FARP1: variants seen among roughly 807,000 people sequenced by gnomAD.
FARP1 encodes the protein FERM, ARH/RhoGEF and pleckstrin domain protein 1.
Under a neutral mutation model 128.8 loss-of-function variants are expected in FARP1, and 52 were observed. That is an observed-to-expected ratio of 0.40 (90% CI 0.32 to 0.51). The LOEUF (loss-of-function observed/expected upper bound fraction) is 0.51, where lower values mean the gene tolerates loss of function less well. Among genes scored for constraint, FARP1 ranks in the 20% least tolerant of loss-of-function variants. FARP1 has a pLI of 0.45. For missense variants in FARP1, 1,333 were observed against 1,367.9 expected, an observed-to-expected ratio of 0.97 and a Z score of 0.40; for synonymous variants, 580 against 551.8, an observed-to-expected ratio of 1.05 and a Z score of -0.72.
At position 98,254,067 on chromosome 13, in the gene FARP1, A is replaced by G. The variant is rs573814981; in HGVS notation, c.171+40654A>G. Among the ~76,000 whole-genome samples, 8 of 152,280 alleles carry G rather than the reference A, an allele frequency of 5.3e-5. No individual in the cohort carries two copies. In the East Asian group the frequency reaches 1.5e-3, roughly 29 times the overall value. ...CATTTCAGGGTTCTGAGACCACCCC[A>G]ACTCATTTGCCCATCATTATGGGAC... On this transcript the variant is annotated intron_variant, in intron 2 of 26. Coordinates refer to ENST00000319562, the MANE Select transcript of FARP1 (RefSeq NM_005766.4).
chr13:98,194,255 T>A (rs943440951), intron 1 of FARP1, among the ~76,000 whole-genome samples: 2 of 152,130 alleles, frequency 1.3e-5, no homozygotes, highest in Admixed American at 6.6e-5. Flanking sequence ...TAGCTGGGAT[T>A]ACAGGCGCCT....
At chr13:98,283,560 T>A (rs1366213029) in intron 2 of FARP1, among the ~76,000 whole-genome samples, 2 of 152,216 alleles carry the variant, frequency 1.3e-5, no homozygotes, top group East Asian at 3.9e-4. Context: ...TTTCTGTTTT[T>A]TTCATCTGAG....
At chr13:98,396,067 A>T in intron 13 of FARP1, 1 of 399,136 alleles carries the variant, frequency 2.5e-6, no homozygotes, top group Non-Finnish European at 4.4e-6. Flanking sequence ...TAGATGTAAT[A>T]AGTCAGAGAC....
At chr13:98,307,315 C>T (rs1312901558) in intron 2 of FARP1, among the ~76,000 whole-genome samples, 2 of 152,158 alleles carry the variant, frequency 1.3e-5, no homozygotes, top group Non-Finnish European at 2.9e-5. Flanking sequence ...AGGTTGAATT[C>T]TAATACCTCA....
intron 2 of FARP1, among the ~76,000 whole-genome samples, chr13:98,264,877 C>T (rs1399100440): frequency 2.0e-5 from 3 of 152,140 alleles, no homozygotes; most frequent in African/African-American, 4.8e-5. Flanking sequence ...CGAATTCTTA[C>T]TATTCATTCT....
intron 2 of FARP1, among the ~76,000 whole-genome samples, chr13:98,340,080 G>GTTT (rs35285197): frequency 5.9e-4 from 86 of 146,866 alleles, no homozygotes; most frequent in African/African-American, 2.1e-3. Context: ...CTGTATATTA[G>GTTT]TTTTTTTTTT....
At chr13:98,266,976 T>C (rs1298757929) in intron 2 of FARP1, among the ~76,000 whole-genome samples, 1 of 136,770 alleles carries the variant, frequency 7.3e-6, no homozygotes, top group Non-Finnish European at 1.5e-5. Flanking sequence ...GTCACACCAC[T>C]GTACTCCAGC....
At chr13:98,191,307 A>ATGTTGAACTGGGCTTCAGAATATAC (rs1211986837) in intron 1 of FARP1, among the ~76,000 whole-genome samples, 1 of 152,186 alleles carries the variant, frequency 6.6e-6, no homozygotes, top group African/African-American at 2.4e-5. Context: ...AGCACTGGGG[A>ATGTTGAACTGGGCTTCAGAATATAC]TGTTGAACTG....
chr13:98,208,829 A>G (rs530809311), intron 1 of FARP1, among the ~76,000 whole-genome samples: 5 of 152,148 alleles, frequency 3.3e-5, no homozygotes, highest in East Asian at 1.9e-4. Flanking sequence ...CCTTGTGTCT[A>G]TGGTGACAGC....
intron 13 of FARP1, chr13:98,395,752 G>T: frequency 2.4e-6 from 1 of 420,702 alleles, no homozygotes; most frequent in Non-Finnish European, 4.2e-6. Flanking sequence ...CCTTGATGAC[G>T]ATTCAGCAGA....
chr13:98,365,323 A>G, intron 3 of FARP1, 72 bp from the exon 4 acceptor site: 1 of 1,230,714 alleles, frequency 8.1e-7, no homozygotes, highest in South Asian at 1.3e-5. Flanking sequence ...AACAGCTTTA[A>G]ACAAAATCTC....
In FARP1 at chr13:98,326,119, T is replaced by C. The variant is rs910212479; in HGVS notation, c.172-17643T>C. Among the ~76,000 whole-genome samples the C allele has an allele frequency of 4.6e-5, 7 of 152,346 alleles. No homozygotes were observed. The South Asian group carries it at 1.2e-3, about 27-fold the overall frequency. ...ACAAATGGCTTCGTCTGCTTGGTAA[T>C]GAATAAACATATGCAAAAGGACAAT... On this transcript the variant is annotated intron_variant, in intron 2 of 26. Coordinates refer to ENST00000319562, the MANE Select transcript of FARP1 (RefSeq NM_005766.4).
chr13:98,200,392 C>CT (rs977195368), intron 1 of FARP1, among the ~76,000 whole-genome samples: 3 of 144,174 alleles, frequency 2.1e-5, no homozygotes, highest in Admixed American at 6.8e-5. Context: ...CCTTCACCCC[C>CT]CCCCCCTCCC....
At chr13:98,417,226 A>C (rs1293706066) in intron 16 of FARP1, among the ~76,000 whole-genome samples, 8 of 152,142 alleles carry the variant, frequency 5.3e-5, no homozygotes, top group Non-Finnish European at 1.5e-5. Context: ...AAGTGCTCCA[A>C]ACAGTTGGAA....
rs1293191320 is a variant in FARP1 at position 98,194,396 on chromosome 13, C to T, written c.-23-18824C>T. Among the ~76,000 whole-genome samples the T allele has an allele frequency of 4.6e-5, 7 of 152,338 alleles. No homozygotes were observed. The South Asian group carries it at 8.3e-4, about 18-fold the overall frequency. Reference sequence around the variant, plus strand: ...CCTCCCAAAGTGCTGGGATTACAGGCGTGAGCCACCGTACCTGGCTCCTAT... The same window carrying T: ...CCTCCCAAAGTGCTGGGATTACAGGTGTGAGCCACCGTACCTGGCTCCTAT... On this transcript the variant is annotated intron_variant, in intron 1 of 26. Transcript: ENST00000319562.
At chr13:98,186,720 G>A (rs1878895502) in intron 1 of FARP1, among the ~76,000 whole-genome samples, 1 of 151,958 alleles carries the variant, frequency 6.6e-6, no homozygotes, top group African/African-American at 2.4e-5. Flanking sequence ...GGCCGGGCGT[G>A]GTGGCTCACA....
chr13:98,284,989 T>A (rs1885096008), intron 2 of FARP1, among the ~76,000 whole-genome samples: 1 of 152,218 alleles, frequency 6.6e-6, no homozygotes, highest in Admixed American at 6.5e-5. Flanking sequence ...CTGTCTAATT[T>A]ATGGTCTGGC....
chr13:98,415,282 C>T (rs758954545), intron 16 of FARP1, among the ~76,000 whole-genome samples: 13 of 152,216 alleles, frequency 8.5e-5, no homozygotes, highest in Non-Finnish European at 1.8e-4. Context: ...TTAAGTACTT[C>T]TTGGGGTGAT....
intron 2 of FARP1, among the ~76,000 whole-genome samples, chr13:98,213,977 G>A (rs1594279297): frequency 6.6e-6 from 1 of 152,120 alleles, no homozygotes; most frequent in South Asian, 2.1e-4. Flanking sequence ...GCCTCCTTCC[G>A]AGCCTGCCAT....
Sources: gnomAD v4.1 joint callset for allele counts (sites outside exome capture counted in the v4.1 genomes callset) on GRCh38, gnomAD v4.1.1 for gene constraint, MANE v1.5 for transcripts, NCBI Gene and HGNC (gene_info 2026-07-23, HGNC 2026-07-21) for gene names.